Variants in RCAN2 observed in about 807,000 individuals in gnomAD.
RCAN2 encodes calcipressin-2.
A neutral mutation model predicts 23.6 loss-of-function variants in RCAN2; 9 were observed. The ratio of observed to expected loss-of-function variants is 0.38; its 90% confidence interval spans 0.23 to 0.67. The LOEUF is 0.67. Ranked by LOEUF, RCAN2 falls within the 30% of genes least tolerant of loss-of-function variation. The pLI is 0.51. For missense variants in RCAN2, 273 were observed against 302.3 expected, an observed-to-expected ratio of 0.90 and a Z score of 0.72; for synonymous variants, 109 against 115.7, an observed-to-expected ratio of 0.94 and a Z score of 0.37.
At chr6:46,265,880 ACTC>A (rs1767310472) in intron 2 of RCAN2, among the ~76,000 whole-genome samples, 1 of 152,168 alleles carries the variant, frequency 6.6e-6, no homozygotes, top group African/African-American at 2.4e-5. Flanking sequence ...AACTCTTGGT[ACTC>A]CTGTAGCACA....
At chr6:46,367,263 T>C (rs1329796086) in intron 2 of RCAN2, among the ~76,000 whole-genome samples, 1 of 151,788 alleles carries the variant, frequency 6.6e-6, no homozygotes, top group African/African-American at 2.4e-5. Context: ...TGGTTCTTTT[T>C]CTTCACAAGC....
At chr6:46,278,636 A>G (rs1272395494) in intron 2 of RCAN2, among the ~76,000 whole-genome samples, 2 of 152,204 alleles carry the variant, frequency 1.3e-5, no homozygotes, top group Non-Finnish European at 2.9e-5. Flanking sequence ...AAAATCACAC[A>G]TAATGTATTG....
chr6:46,241,376 C>T lies in RCAN2; in HGVS notation c.571+5372G>A, dbSNP rs547434428. 7.9e-5 allele frequency among the ~76,000 whole-genome samples: 12 copies of T among 152,290 alleles called. No individual in the cohort carries two copies. In the South Asian group the frequency reaches 2.3e-3, roughly 29 times the overall value. ...ACTGTTAAACTGATGGGCTTCTACA[C>T]ATTCCCCAAGGGACTAATAGAAACA... is the stretch of plus-strand genomic sequence containing the variant. On this transcript the variant is annotated intron_variant, in intron 4 of 4. Coordinates refer to ENST00000371374, the MANE Select transcript of RCAN2 (RefSeq NM_001251974.2).
intron 4 of RCAN2, among the ~76,000 whole-genome samples, chr6:46,239,333 G>A (rs1402137826): frequency 6.6e-6 from 1 of 152,182 alleles, no homozygotes; most frequent in Non-Finnish European, 1.5e-5. Context: ...AGAGTCCAGG[G>A]AATTCAGTCC....
intron 1 of RCAN2, among the ~76,000 whole-genome samples, chr6:46,463,611 G>A (rs575652949): frequency 6.6e-6 from 1 of 152,266 alleles, no homozygotes; most frequent in South Asian, 2.1e-4. Flanking sequence ...CATAAGAAAA[G>A]AGACATCTGT....
At chr6:46,415,024 G>C (rs868468034) in intron 2 of RCAN2, among the ~76,000 whole-genome samples, 4 of 152,174 alleles carry the variant, frequency 2.6e-5, no homozygotes, top group African/African-American at 9.7e-5. Context: ...CATAGTCCTG[G>C]AAAGGTAGAC....
chr6:46,292,222 C>G (rs1266638617), intron 2 of RCAN2, among the ~76,000 whole-genome samples: 1 of 152,130 alleles, frequency 6.6e-6, no homozygotes, highest in African/African-American at 2.4e-5. Context: ...ATTGATAAAA[C>G]TTAGCTAACT....
intron 1 of RCAN2, among the ~76,000 whole-genome samples, chr6:46,477,456 C>T (rs1031807896): frequency 3.9e-5 from 6 of 152,170 alleles, no homozygotes; most frequent in Non-Finnish European, 5.9e-5. Context: ...AGCTATGCCA[C>T]TTATCAGCTG....
At chr6:46,297,289 G>T (rs540875913) in intron 2 of RCAN2, among the ~76,000 whole-genome samples, 1 of 152,264 alleles carries the variant, frequency 6.6e-6, no homozygotes, top group Non-Finnish European at 1.5e-5. Flanking sequence ...GAGATGAGAA[G>T]ATACAGCCTC....
chr6:46,466,073 G>A (rs1768371687), intron 1 of RCAN2, among the ~76,000 whole-genome samples: 1 of 152,158 alleles, frequency 6.6e-6, no homozygotes, highest in African/African-American at 2.4e-5. Flanking sequence ...GATGTGTTCA[G>A]ACGCCCCACC....
intron 2 of RCAN2, among the ~76,000 whole-genome samples, chr6:46,268,007 A>G (rs1767396098): frequency 6.6e-6 from 1 of 152,200 alleles, no homozygotes; most frequent in African/African-American, 2.4e-5. Context: ...TAGAAAAAAA[A>G]ATAGCCACAT....
intron 2 of RCAN2, among the ~76,000 whole-genome samples, chr6:46,433,542 G>A (rs551631335): frequency 2.0e-5 from 3 of 152,340 alleles, no homozygotes; most frequent in South Asian, 2.1e-4. Flanking sequence ...GTTATTGGAA[G>A]CAGAAGTCAA....
chr6:46,264,000 C>A (rs1311484820), intron 2 of RCAN2, among the ~76,000 whole-genome samples: 1 of 152,172 alleles, frequency 6.6e-6, no homozygotes. Context: ...CATGAGCCTG[C>A]TGATGCAGAT....
chr6:46,232,790 C>CAAAAA (rs35457944), intron 4 of RCAN2, among the ~76,000 whole-genome samples: 2 of 89,170 alleles, frequency 2.2e-5, no homozygotes, highest in Non-Finnish European at 4.1e-5. Context: ...AAGACTGTCT[C>CAAAAA]AAAAAAAAAA....
chr6:46,445,027 T>C (rs1211486391), intron 2 of RCAN2, among the ~76,000 whole-genome samples: 1 of 152,122 alleles, frequency 6.6e-6, no homozygotes, highest in Admixed American at 6.5e-5. Flanking sequence ...CCTACCACAG[T>C]GCCAGGCCAG....
intron 2 of RCAN2, among the ~76,000 whole-genome samples, chr6:46,342,638 T>C (rs1764363014): frequency 6.7e-6 from 1 of 150,336 alleles, no homozygotes. Context: ...AGAGATCTGA[T>C]GAAAGGAAAG....
intron 2 of RCAN2, among the ~76,000 whole-genome samples, chr6:46,357,469 T>C (rs1764873678): frequency 6.6e-6 from 1 of 152,228 alleles, no homozygotes; most frequent in Admixed American, 6.5e-5. Context: ...TTGTTTTTAA[T>C]GAAGAGTCTA....
Position 46,306,572 on chromosome 6 carries a change from G to A in RCAN2, c.226-57676C>T, listed in dbSNP as rs148199082. Among the ~76,000 whole-genome samples, 908 of 152,256 alleles carry A rather than the reference G, an allele frequency of 6.0e-3. 5 individuals carry two copies. The highest frequency in any genetic ancestry group is 0.021 in the African/African-American group (878 of 41,554). On this transcript the variant is annotated intron_variant, in intron 2 of 4. Transcript: ENST00000371374. ...TTGAAAGTCAGCTCTCTCTAGGACA[G>A]CCTACTGGTAAACTGTTATATTAAC...
At chr6:46,253,326 T>C (rs557498320) in intron 2 of RCAN2, among the ~76,000 whole-genome samples, 1 of 152,356 alleles carries the variant, frequency 6.6e-6, no homozygotes, top group South Asian at 2.1e-4. Flanking sequence ...ATTTTTCTTA[T>C]AGTAGCAGAT....
Sources: gnomAD v4.1 joint callset for allele counts (sites outside exome capture counted in the v4.1 genomes callset) on GRCh38, gnomAD v4.1.1 for gene constraint, MANE v1.5 for transcripts, NCBI Gene and HGNC (gene_info 2026-07-23, HGNC 2026-07-21) for gene names.